The following CDX2 variants were observed in gnomAD, a reference collection of about 807,000 sequenced individuals.
CDX2 encodes caudal type homeobox 2.
In CDX2, 7 loss-of-function variants were observed where a neutral mutation model predicts 25.5. That is an observed-to-expected ratio of 0.27 (90% confidence interval 0.16 to 0.52). CDX2 has a LOEUF of 0.52. Ranked by LOEUF, CDX2 falls within the 20% of genes least tolerant of loss-of-function variation. The pLI, the probability that CDX2 is intolerant of heterozygous loss-of-function variation, is 0.97. For missense variants in CDX2, 375 were observed against 431.4 expected (o/e 0.87, Z 1.16); for synonymous variants, 222 against 198.6 (o/e 1.12, Z -0.99).
chr13:27,964,933 A>G lies in CDX2; in HGVS notation c.624T>C (p.Ser208=), dbSNP rs756121674. 1 of 1,614,046 alleles carries G rather than the reference A, an allele frequency of 6.2e-7. No homozygotes were observed. Among genetic ancestry groups the G allele is most frequent in the South Asian group, 1.1e-5 (1 of 91,076 alleles). The change falls in exon 2 of 3, where the codon AGT becomes AGC. Residue 208 remains serine (S), a synonymous_variant. Coordinates refer to ENST00000381020, the MANE Select transcript of CDX2 (RefSeq NM_001265.6). This position sits in a 1 kb window ranked among gnomAD's most constrained non-coding sequence, Gnocchi z 4.7. ...CTTTCCTCCGGATGGTGATGTAGCG[A>G]CTGTAGTGAAACTCCTTCTCCAGCT... ...RLELEKEFHY[S]RYITIRRKAE...
chr13:27,961,421 G>A lies in CDX2; in HGVS notation c.*1694C>T, dbSNP rs1323434071. Among the ~76,000 whole-genome samples the A allele has an allele frequency of 6.6e-6, 1 of 152,220 alleles. No individual in the cohort carries two copies. Among genetic ancestry groups the A allele is most frequent in the African/African-American group, 2.4e-5 (1 of 41,450 alleles). ...GGGTCCTGCCGGAAAGTTCAGCTCG[G>A]CGGCCTCCAGGATCAAAAATTTTAA... is the stretch of plus-strand genomic sequence containing the variant. On this transcript the variant is annotated 3_prime_UTR_variant, in exon 3 of 3. Coordinates refer to ENST00000381020, the MANE Select transcript of CDX2 (RefSeq NM_001265.6).
intron 1 of CDX2, 55 bp downstream of exon 1, chr13:27,968,411 T>C (rs912470935): frequency 2.1e-6 from 3 of 1,421,850 alleles, no homozygotes; most frequent in Non-Finnish European, 2.7e-6. Flanking sequence ...CAGCAGCCAC[T>C]GGCTCGACCC....
Position 27,964,916 on chromosome 13 carries a change from C to T in CDX2, c.641G>A (p.Arg214Gln), listed in dbSNP as rs759623152. 8.1e-6 allele frequency: 13 copies of T among 1,614,106 alleles called. No homozygotes were observed. Among genetic ancestry groups the T allele is most frequent in the East Asian group, 2.2e-5 (1 of 44,886 alleles). The change falls in exon 2 of 3, where the codon CGG becomes CAG. Residue 214 changes from arginine to glutamine, a missense_variant. This residue lies in a region of CDX2 where 64 missense variants were observed against 124.6 expected (regional missense o/e 0.51). Coordinates refer to ENST00000381020, the MANE Select transcript of CDX2 (RefSeq NM_001265.6). This position sits in a 1 kb window ranked among gnomAD's most constrained non-coding sequence, Gnocchi z 4.7. ...EFHYSRYITI[R>Q]RKAELAATLG... Reference sequence around the variant, plus strand: ...CGTGGCGGCTAGCTCGGCTTTCCTCCGGATGGTGATGTAGCGACTGTAGTG... The same window carrying T: ...CGTGGCGGCTAGCTCGGCTTTCCTCTGGATGGTGATGTAGCGACTGTAGTG...
intron 1 of CDX2, among the ~76,000 whole-genome samples, chr13:27,966,728 T>A (rs1869346495): frequency 6.6e-6 from 1 of 152,034 alleles, no homozygotes; most frequent in African/African-American, 2.4e-5. Flanking sequence ...GGAGCGGGGC[T>A]ATGGAGGGGA....
intron 1 of CDX2, 136 bp downstream of exon 1, chr13:27,968,330 G>C: frequency 9.1e-7 from 1 of 1,103,782 alleles, no homozygotes; most frequent in South Asian, 2.3e-5. Flanking sequence ...TTGTCTCCGG[G>C]CCGTGCCCCT....
At chr13:27,968,042 G>T (rs796624114) in intron 1 of CDX2, among the ~76,000 whole-genome samples, 2 of 152,160 alleles carry the variant, frequency 1.3e-5, no homozygotes, top group Non-Finnish European at 2.9e-5. Context: ...GGAGATAAAT[G>T]GCCTAGACCT....
Position 27,968,346 on chromosome 13 carries a change from C to A in CDX2, c.541+120G>T, listed in dbSNP as rs548296292. On this transcript the variant is annotated intron_variant, in intron 1 of 2. Coordinates refer to ENST00000381020, the MANE Select transcript of CDX2 (RefSeq NM_001265.6). The stretch of plus-strand genomic sequence containing the variant: ...TGTCTCCGGGCCGTGCCCCTCCTGG[C>A]GCCGAGCTCCCAGACAGCCCGGGAC... 4 of 1,236,740 alleles carry A rather than the reference C, an allele frequency of 3.2e-6. No homozygotes were observed. The East Asian group carries it at 9.4e-5, about 29-fold the overall frequency. The allele number at this position is 1,236,740 out of a possible 1,614,324, so 76.6% of individuals were successfully genotyped here.
intron 1 of CDX2, among the ~76,000 whole-genome samples, chr13:27,966,130 GC>G (rs2137539877): frequency 6.6e-6 from 1 of 152,346 alleles, no homozygotes; most frequent in Non-Finnish European, 1.5e-5. Flanking sequence ...CGCAAACAAT[GC>G]AGGACAAGGC....
chr13:27,967,395 T>G (rs1012516786), intron 1 of CDX2: 9 of 519,062 alleles, frequency 1.7e-5, no homozygotes, highest in Admixed American at 2.3e-5. Context: ...TGTAATTGGC[T>G]ATAAACTTCT....
At chr13:27,967,412 T>A (rs1029664281) in intron 1 of CDX2, 5 of 508,876 alleles carry the variant, frequency 9.8e-6, no homozygotes, top group African/African-American at 9.4e-5. Flanking sequence ...TTCTGCAAAG[T>A]GCCCATAACC....
rs1869510905 is a variant in CDX2 at position 27,969,153 on chromosome 13, G to C, written c.-147C>G. The C allele has an allele frequency of 6.8e-6, 4 of 584,458 alleles. No individual in the cohort carries two copies. The highest frequency in any genetic ancestry group is 6.3e-5 in the South Asian group (3 of 47,414). The allele number at this position is 584,458 out of a possible 1,614,324, so 36.2% of individuals were successfully genotyped here. ...GCCCGCGGTGCTCCGCTGGCTCCTC[G>C]CGGCTCTTCTGCCTCCGAGGCGGTC... On this transcript the variant is annotated 5_prime_UTR_variant, in exon 1 of 3. Coordinates refer to ENST00000381020, the MANE Select transcript of CDX2 (RefSeq NM_001265.6).
At chr13:27,966,617 A>G (rs1869340457) in intron 1 of CDX2, among the ~76,000 whole-genome samples, 1 of 152,110 alleles carries the variant, frequency 6.6e-6, no homozygotes, top group African/African-American at 2.4e-5. Context: ...CTGCCCCTTC[A>G]GTGTCCCGGA....
chr13:27,968,874 C>T lies in CDX2; in HGVS notation c.133G>A (p.Val45Met). ...GCTGCCGCTGCAGCTGCGGCCGCCA[C>T]GTGGTAACCGCCGTAGTCCGGGTAC... The part of the protein sequence containing the change: ...PQYPDYGGYH[V>M]AAAAAAAANL... Residue 45 changes from valine to methionine, a missense_variant, in exon 1 of 3, where the codon GTG becomes ATG. Transcript: ENST00000381020. 1 of 1,600,896 alleles carries T rather than the reference C, an allele frequency of 6.2e-7. No homozygotes were observed. The highest frequency in any genetic ancestry group is 8.5e-7 in the Non-Finnish European group (1 of 1,175,182).
chr13:27,969,281 C>T lies in CDX2; in HGVS notation c.-275G>A, dbSNP rs1455143655. 2 of 488,670 alleles carry T rather than the reference C, an allele frequency of 4.1e-6. No homozygotes were observed. 30.3% of individuals were successfully genotyped at this position (488,670 alleles called of 1,614,324 possible). On this transcript the variant is annotated 5_prime_UTR_variant, in exon 1 of 3. Coordinates refer to ENST00000381020, the MANE Select transcript of CDX2 (RefSeq NM_001265.6). ...GCGGGGAAGACCCGCCACAGGCTGG[C>T]GTGCGGAGCCCCAGGCCGGCGGCCT...
chr13:27,967,461 A>C, intron 1 of CDX2: 1 of 460,652 alleles, frequency 2.2e-6, no homozygotes, highest in Non-Finnish European at 4.2e-6. Context: ...GAGCGAAGCA[A>C]GAAAAGCGGA....
intron 1 of CDX2, chr13:27,967,161 G>A (rs1361993424): frequency 2.4e-6 from 1 of 418,906 alleles, no homozygotes. Context: ...AGGGGCTGTA[G>A]AAAGTGGGTC....
In CDX2 at chr13:27,969,268, C is replaced by T. The variant is rs1593186541; in HGVS notation, c.-262G>A. 4.0e-6 allele frequency: 2 copies of T among 504,048 alleles called. No individual in the cohort carries two copies. Among genetic ancestry groups the T allele is most frequent in the African/African-American group, 4.1e-5 (2 of 49,262 alleles). The allele number at this position is 504,048 out of a possible 1,614,324, so 31.2% of individuals were successfully genotyped here. On this transcript the variant is annotated 5_prime_UTR_variant, in exon 1 of 3. Transcript: ENST00000381020. ...CTAGGCTGCAGAGGCGGGGAAGACC[C>T]GCCACAGGCTGGCGTGCGGAGCCCC...
In CDX2 at chr13:27,964,892, G is replaced by C. The variant is rs564888160; in HGVS notation, c.665C>G (p.Thr222Arg). 3 of 1,614,038 alleles carry C rather than the reference G, an allele frequency of 1.9e-6. No individual in the cohort carries two copies. The South Asian group carries it at 3.3e-5, about 18-fold the overall frequency. Residue 222 changes from threonine to arginine, a missense_variant, in exon 2 of 3, where the codon ACG (threonine) becomes AGG (arginine). Coordinates refer to ENST00000381020, the MANE Select transcript of CDX2 (RefSeq NM_001265.6). This position sits in a 1 kb window ranked among gnomAD's most constrained non-coding sequence, Gnocchi z 4.7. ...CACCTGCCTCTCAGAGAGCCCCAGC[G>C]TGGCGGCTAGCTCGGCTTTCCTCCG... The part of the protein sequence containing the change: ...TIRRKAELAA[T>R]LGLSERQVKI...
chr13:27,968,306 A>G (rs1226200218), intron 1 of CDX2, among the ~76,000 whole-genome samples, 160 bp downstream of exon 1: 3 of 152,262 alleles, frequency 2.0e-5, no homozygotes, highest in Non-Finnish European at 2.9e-5. Context: ...CCGACGGGCC[A>G]GAGGCCCCCG....
Sources: gnomAD v4.1 joint callset for allele counts (sites outside exome capture counted in the v4.1 genomes callset) on GRCh38, gnomAD v4.1.1 for gene constraint, gnomAD v4.1.1 regional missense constraint, Gnocchi (gnomAD v3.1) non-coding constraint, MANE v1.5 for transcripts, NCBI Gene and HGNC (gene_info 2026-07-23, HGNC 2026-07-21) for gene names.